The following MCM9 variants were observed in gnomAD, a reference collection of about 807,000 sequenced individuals.
The protein encoded by MCM9 is minichromosome maintenance 9 homologous recombination repair factor.
In MCM9, 55 loss-of-function variants were observed where a neutral mutation model predicts 72.8. That is an observed-to-expected ratio of 0.76 (90% confidence interval 0.61 to 0.95). MCM9 has a LOEUF of 0.95. MCM9 is among the 40% of genes least tolerant of loss of function. The pLI is 0.00. For synonymous variants in MCM9, 480 were observed against 503.4 expected, an observed-to-expected ratio of 0.95 and a Z score of 0.62; for missense variants, 1,279 against 1,377.0, an observed-to-expected ratio of 0.93 and a Z score of 1.13.
intron 13 of MCM9, among the ~76,000 whole-genome samples, chr6:118,821,031 T>C (rs1318793712): frequency 2.0e-5 from 3 of 152,188 alleles, no homozygotes; most frequent in Admixed American, 6.5e-5. Context: ...GCTCGTGAGA[T>C]GGGTCTCCTG....
intron 8 of MCM9, among the ~76,000 whole-genome samples, chr6:118,879,767 G>C (rs1046315735): frequency 1.3e-5 from 2 of 151,926 alleles, no homozygotes; most frequent in African/African-American, 4.8e-5. Flanking sequence ...GACTAGGCGG[G>C]GTGCAGTGGC....
chr6:118,917,584 T>C lies in MCM9; in HGVS notation c.881A>G (p.Tyr294Cys), dbSNP rs1189496855. Residue 294 changes from tyrosine (Y) to cysteine (C), a missense_variant, in exon 6 of 14, where the codon TAC becomes TGC. By Grantham distance (194) the Tyr-to-Cys change is radical. Transcript: ENST00000619706. Reference sequence around the variant, plus strand: ...ACCTGCAAAGGGATCGCTCTTATAGTATTCCCAAAAATCTTCGAATTCCTT... The same window carrying C: ...ACCTGCAAAGGGATCGCTCTTATAGCATTCCCAAAAATCTTCGAATTCCTT... ...VQKEFEDFWE[Y>C]YKSDPFAGRN... The C allele has an allele frequency of 6.2e-7, 1 of 1,614,094 alleles. No homozygotes were observed. The highest frequency in any genetic ancestry group is 1.3e-5 in the African/African-American group (1 of 74,944).
At chr6:118,872,958 C>T (rs1777699806) in intron 8 of MCM9, among the ~76,000 whole-genome samples, 1 of 151,690 alleles carries the variant, frequency 6.6e-6, no homozygotes, top group South Asian at 2.1e-4. Flanking sequence ...CTCTTGAGCT[C>T]GGAAGTTAGA....
At chr6:118,886,905 C>CA (rs1356261019) in intron 8 of MCM9, among the ~76,000 whole-genome samples, 4 of 152,114 alleles carry the variant, frequency 2.6e-5, no homozygotes, top group Non-Finnish European at 5.9e-5. Context: ...TTCAAGGCTG[C>CA]AGTGAGCTAT....
intron 1 of MCM9, among the ~76,000 whole-genome samples, chr6:118,933,043 A>G (rs998301219): frequency 2.6e-5 from 4 of 152,320 alleles, no homozygotes; most frequent in African/African-American, 9.6e-5. Context: ...AAGGTTCTCT[A>G]TGTCCTCAGA....
chr6:118,814,173 A>G lies in MCM9; in HGVS notation c.*651T>C, dbSNP rs1347720954. The G allele has an allele frequency of 2.0e-5, 3 of 152,232 alleles. No homozygotes were observed. The highest frequency in any genetic ancestry group is 4.4e-5 in the Non-Finnish European group (3 of 68,040). 9.4% of individuals were successfully genotyped at this position (152,232 alleles called of 1,614,324 possible). A position where few individuals can be genotyped will look rare whatever the true frequency, so the allele number is the denominator to read the frequency against. ...CTCAAGAAAGAAAGGACAACTCAGA[A>G]GGTCAGTACTTCAGAAAGGTACTGT... On this transcript the variant is annotated 3_prime_UTR_variant, in exon 14 of 14. Coordinates refer to ENST00000619706, the MANE Select transcript of MCM9 (RefSeq NM_017696.3).
chr6:118,897,139 A>G (rs1447674468), intron 8 of MCM9, among the ~76,000 whole-genome samples: 1 of 152,124 alleles, frequency 6.6e-6, no homozygotes, highest in Non-Finnish European at 1.5e-5. Context: ...ACCCAGCCCA[A>G]ACTATAGAAT....
Position 118,894,808 on chromosome 6 carries a change from G to A in MCM9, c.1150+16842C>T, listed in dbSNP as rs576981503. Among the ~76,000 whole-genome samples the A allele has an allele frequency of 2.8e-4, 43 of 152,312 alleles. No individual in the cohort carries two copies. The South Asian group carries it at 8.5e-3, about 30-fold the overall frequency. On this transcript the variant is annotated intron_variant, in intron 8 of 13. Transcript: ENST00000619706. Reference sequence around the variant, plus strand: ...CTGCGGGCGGGCAGCTCGGAGACCCGCACTCGCTCCCGCTGCGCCGCCTGA... The same window carrying A: ...CTGCGGGCGGGCAGCTCGGAGACCCACACTCGCTCCCGCTGCGCCGCCTGA...
intron 8 of MCM9, among the ~76,000 whole-genome samples, chr6:118,901,251 AAACT>A (rs1335704063): frequency 1.3e-5 from 2 of 152,180 alleles, no homozygotes; most frequent in Non-Finnish European, 2.9e-5. Flanking sequence ...AAAATATCTA[AAACT>A]AACTGGCATT....
chr6:118,893,897 G>T (rs1178892342), intron 8 of MCM9: 6 of 408,140 alleles, frequency 1.5e-5, no homozygotes, highest in South Asian at 9.6e-5. Flanking sequence ...CAACTGGAGG[G>T]GCGGGCGTCG....
rs542976331 is a variant in MCM9, at chr6:118,817,512, C to A, written c.1962-1218G>T. ...CATAGTACTCCATGGTGTATATGTG[C>A]CACATTTTCTTTATCCAGTGTATCA... is the stretch of plus-strand genomic sequence containing the variant. On this transcript the variant is annotated intron_variant, in intron 13 of 13. Transcript: ENST00000619706. Among the ~76,000 whole-genome samples, 4 of 152,250 alleles carry A rather than the reference C, an allele frequency of 2.6e-5. No homozygotes were observed. The South Asian group carries it at 8.3e-4, about 32-fold the overall frequency.
chr6:118,905,714 A>G (rs763071344), intron 8 of MCM9: 4 of 1,613,758 alleles, frequency 2.5e-6, no homozygotes, highest in Non-Finnish European at 3.4e-6. Context: ...CTGTTGTGCT[A>G]ATTACTTGTA....
intron 8 of MCM9, among the ~76,000 whole-genome samples, chr6:118,869,932 A>G (rs144787690): frequency 1.7e-3 from 256 of 152,340 alleles, no homozygotes; most frequent in African/African-American, 5.6e-3. Flanking sequence ...TAAGAACGGT[A>G]TCCATCCATC....
At chr6:118,927,883 A>G (rs143994576) in intron 3 of MCM9, among the ~76,000 whole-genome samples, 114 of 152,324 alleles carry the variant, frequency 7.5e-4, no homozygotes, top group African/African-American at 2.6e-3. Context: ...GAGTAACCTG[A>G]GCAATACATA....
At chr6:118,920,948 C>G (rs546515362) in intron 5 of MCM9, 1 of 152,306 alleles carries the variant, frequency 6.6e-6, no homozygotes, top group Admixed American at 6.5e-5. Flanking sequence ...CTTAGTCTCC[C>G]CAGTGAGGAG....
chr6:118,877,610 A>G (rs1324613584), intron 8 of MCM9, among the ~76,000 whole-genome samples: 1 of 152,232 alleles, frequency 6.6e-6, no homozygotes, highest in African/African-American at 2.4e-5. Context: ...AATAACGGAT[A>G]CAACTATTTT....
chr6:118,910,649 AGAACAC>A, intron 8 of MCM9: 2 of 985,394 alleles, frequency 2.0e-6, no homozygotes, highest in Non-Finnish European at 2.4e-6. Context: ...ACAGAACTCT[AGAACAC>A]TGGGTCATAC....
chr6:118,884,923 G>A (rs1418142798), intron 8 of MCM9, among the ~76,000 whole-genome samples: 3 of 152,134 alleles, frequency 2.0e-5, no homozygotes, highest in East Asian at 3.8e-4. Flanking sequence ...CCAGCTGGGC[G>A]CAGTGGCTCA....
At chr6:118,894,536 C>T (rs1779209116) in intron 8 of MCM9, 10 of 1,531,114 alleles carry the variant, frequency 6.5e-6, no homozygotes, top group South Asian at 1.2e-5. Flanking sequence ...AGTGCGGCGC[C>T]CGTGCGCCCG....
Sources: allele counts gnomAD v4.1 joint callset (sites outside exome capture counted in the v4.1 genomes callset), GRCh38; gene constraint gnomAD v4.1.1; transcripts MANE v1.5; gene names NCBI Gene and HGNC (gene_info 2026-07-23, HGNC 2026-07-21).